ERBB4: variants seen among roughly 807,000 people sequenced by gnomAD.
ERBB4 encodes receptor tyrosine-protein kinase erbB-4.
Under a neutral mutation model 158.0 loss-of-function variants are expected in ERBB4, and 42 were observed. The ratio of observed to expected loss-of-function variants is 0.27; its 90% CI spans 0.21 to 0.34. ERBB4 has a LOEUF of 0.34. Ranked by LOEUF, ERBB4 falls within the 10% of genes least tolerant of loss-of-function variation. The probability of loss-of-function intolerance (pLI) is 1.00; values close to 1 mark genes in which losing one functional copy is unlikely to be tolerated. For missense variants in ERBB4, 1,333 were observed against 1,624.1 expected (o/e 0.82, Z 3.08); for synonymous variants, 583 against 558.7 (o/e 1.04, Z -0.61).
chr2:212,530,769 C>T (rs914770616), intron 1 of ERBB4, among the ~76,000 whole-genome samples: 2 of 152,130 alleles, frequency 1.3e-5, no homozygotes, highest in Admixed American at 6.5e-5. Context: ...ATACTAGAAG[C>T]ACATGGGACC....
chr2:211,396,232 T>C (rs1219953385), intron 25 of ERBB4, among the ~76,000 whole-genome samples: 1 of 152,116 alleles, frequency 6.6e-6, no homozygotes, highest in African/African-American at 2.4e-5. Context: ...ATTAATAGCT[T>C]AAAACAAGAT....
At chr2:211,652,807 C>T (rs930037013) in intron 16 of ERBB4, among the ~76,000 whole-genome samples, 2 of 152,122 alleles carry the variant, frequency 1.3e-5, no homozygotes, top group African/African-American at 4.8e-5. Context: ...TGATATCTAG[C>T]TGTTTTAATG....
intron 2 of ERBB4, among the ~76,000 whole-genome samples, chr2:212,057,233 T>C (rs999889633): frequency 6.6e-6 from 1 of 152,198 alleles, no homozygotes; most frequent in African/African-American, 2.4e-5. Context: ...GAGCTAACTG[T>C]TCTAAATATA....
intron 2 of ERBB4, among the ~76,000 whole-genome samples, chr2:212,035,570 C>A (rs1283725513): frequency 6.6e-6 from 1 of 152,210 alleles, no homozygotes; most frequent in African/African-American, 2.4e-5. Context: ...ACATTTCACT[C>A]TTCACCCATG....
In ERBB4 at chr2:212,057,976, A is replaced by G. The variant is rs138881157; in HGVS notation, c.234+66776T>C. Among the ~76,000 whole-genome samples the G allele has an allele frequency of 8.1e-3, 1,240 of 152,184 alleles. 11 individuals are homozygous for G. The highest frequency in any genetic ancestry group is 0.027 in the African/African-American group (1,139 of 41,560). Reference sequence around the variant, plus strand: ...AGAGACACAAAAAACCCTTCAAAAAATCAATGAATCCAGGAGCTGGTTGTT... The same window carrying G: ...AGAGACACAAAAAACCCTTCAAAAAGTCAATGAATCCAGGAGCTGGTTGTT... On this transcript the variant is annotated intron_variant, in intron 2 of 27. Coordinates refer to ENST00000342788, the MANE Select transcript of ERBB4 (RefSeq NM_005235.3).
chr2:211,828,447 T>C (rs188196730), intron 3 of ERBB4, among the ~76,000 whole-genome samples: 40 of 152,150 alleles, frequency 2.6e-4, no homozygotes, highest in African/African-American at 9.2e-4. Flanking sequence ...CTGTGATCTG[T>C]GTCTGGGCCC....
intron 20 of ERBB4, among the ~76,000 whole-genome samples, chr2:211,492,671 T>C (rs2065373769): frequency 6.6e-6 from 1 of 152,162 alleles, no homozygotes. Context: ...AAGTACATTA[T>C]GAGACCTTTG....
chr2:212,312,941 C>A (rs185696426), intron 1 of ERBB4, among the ~76,000 whole-genome samples: 1 of 150,518 alleles, frequency 6.6e-6, no homozygotes, highest in Non-Finnish European at 1.5e-5. Flanking sequence ...CAGTAGTAAG[C>A]CCTTATAGTT....
chr2:212,502,527 G>A (rs1043097713), intron 1 of ERBB4, among the ~76,000 whole-genome samples: 89 of 152,216 alleles, frequency 5.8e-4, no homozygotes, highest in African/African-American at 2.1e-3. Flanking sequence ...AAGGCTGACT[G>A]ACCTCAAATC....
At chr2:211,944,181 A>AC (rs1553517877) in intron 3 of ERBB4, among the ~76,000 whole-genome samples, 809 of 42,978 alleles carry the variant, frequency 0.019, 17 homozygotes, top group African/African-American at 0.086. Flanking sequence ...TATATACTAT[A>AC]TATATATATA....
chr2:211,984,724 A>T (rs1458230693), intron 2 of ERBB4, among the ~76,000 whole-genome samples: 3 of 152,090 alleles, frequency 2.0e-5, no homozygotes, highest in Non-Finnish European at 2.9e-5. Flanking sequence ...CATGTTCAAA[A>T]GTTTAGCATA....
intron 19 of ERBB4, among the ~76,000 whole-genome samples, chr2:211,612,838 G>A (rs2069251325): frequency 6.6e-6 from 1 of 152,078 alleles, no homozygotes; most frequent in Admixed American, 6.6e-5. Context: ...AGAGGAAATT[G>A]TCCAGATGTG....
intron 2 of ERBB4, among the ~76,000 whole-genome samples, chr2:211,988,719 T>C (rs1247410078): frequency 6.6e-6 from 1 of 152,070 alleles, no homozygotes; most frequent in Non-Finnish European, 1.5e-5. Context: ...TTTCATTTGC[T>C]TCTCATTCTA....
chr2:212,335,140 T>C lies in ERBB4; in HGVS notation c.82+203309A>G, dbSNP rs1345063174. On this transcript the variant is annotated intron_variant, in intron 1 of 27. Coordinates refer to ENST00000342788, the MANE Select transcript of ERBB4 (RefSeq NM_005235.3). ...GTGATATATATGCCTCTGTAACCTTTTTAATGTTTCAATTAGTACTGGTAG... is the reference window on the plus strand; with the variant it reads ...GTGATATATATGCCTCTGTAACCTTCTTAATGTTTCAATTAGTACTGGTAG... 1.0e-3 allele frequency among the ~76,000 whole-genome samples: 152 copies of C among 151,936 alleles called. 5 individuals carry two copies. Among genetic ancestry groups the C allele is most frequent in the Non-Finnish European group, 7.4e-5 (5 of 67,890 alleles).
chr2:211,598,468 C>T (rs1000697792), intron 19 of ERBB4, among the ~76,000 whole-genome samples: 4 of 152,174 alleles, frequency 2.6e-5, no homozygotes, highest in Admixed American at 6.6e-5. Context: ...AAAAGCAAGT[C>T]GGGCTTAGGA....
chr2:211,542,146 G>C (rs1461898269), intron 20 of ERBB4, among the ~76,000 whole-genome samples: 1 of 151,960 alleles, frequency 6.6e-6, no homozygotes, highest in African/African-American at 2.4e-5. Flanking sequence ...CTCAAGAAGG[G>C]AGATTGGCTT....
chr2:212,319,933 T>C, intron 1 of ERBB4, among the ~76,000 whole-genome samples: 1 of 150,290 alleles, frequency 6.7e-6, no homozygotes, highest in Middle Eastern at 3.2e-3. Context: ...ACTCTCATCT[T>C]TTCAAGATCT....
At chr2:212,506,904 T>C (rs898116208) in intron 1 of ERBB4, among the ~76,000 whole-genome samples, 1 of 152,194 alleles carries the variant, frequency 6.6e-6, no homozygotes, top group Non-Finnish European at 1.5e-5. Context: ...AGATTTTCCA[T>C]GGAGATAAGA....
intron 1 of ERBB4, among the ~76,000 whole-genome samples, chr2:212,345,236 A>AGC (rs1193406256): frequency 7.4e-6 from 1 of 134,308 alleles, no homozygotes; most frequent in Non-Finnish European, 1.6e-5. Context: ...ACTGCCCTCC[A>AGC]GCCTGGGGGA....
Sources: allele counts gnomAD v4.1 joint callset (sites outside exome capture counted in the v4.1 genomes callset), GRCh38; gene constraint gnomAD v4.1.1; transcripts MANE v1.5; gene names NCBI Gene and HGNC (gene_info 2026-07-23, HGNC 2026-07-21).